The following GRID1 variants were observed in gnomAD, a reference collection of about 807,000 sequenced individuals.
The protein encoded by GRID1 is glutamate ionotropic receptor delta type subunit 1.
A neutral mutation model predicts 98.0 loss-of-function variants in GRID1; 28 were observed. The observed-to-expected ratio is 0.29, with a 90% CI of 0.21 to 0.39. GRID1 has a LOEUF of 0.39. Among genes scored for constraint, GRID1 ranks in the 10% least tolerant of loss-of-function variants. The pLI is 1.00. For synonymous variants in GRID1, 553 were observed against 538.5 expected (o/e 1.03, Z -0.37); for missense variants, 1,111 against 1,340.5 (o/e 0.83, Z 2.67).
At chr10:85,977,956 C>T (rs1173831122) in intron 4 of GRID1, among the ~76,000 whole-genome samples, 1 of 152,156 alleles carries the variant, frequency 6.6e-6, no homozygotes, top group Non-Finnish European at 1.5e-5. Context: ...TCACAGACGC[C>T]ACTCCAGGGC....
At chr10:86,354,844 C>T (rs1848512830) in intron 2 of GRID1, among the ~76,000 whole-genome samples, 1 of 152,222 alleles carries the variant, frequency 6.6e-6, no homozygotes, top group Non-Finnish European at 1.5e-5. Flanking sequence ...CCAGCCTATA[C>T]AGATGGCTCC....
At chr10:85,719,422 T>C (rs1027607737) in intron 12 of GRID1, among the ~76,000 whole-genome samples, 1 of 152,104 alleles carries the variant, frequency 6.6e-6, no homozygotes, top group African/African-American at 2.4e-5. Flanking sequence ...TACCCAAAAC[T>C]GGGAACAAAA....
rs1236101735 is a variant in GRID1, at chr10:85,605,706, A to G, written c.2602-3005T>C. On this transcript the variant is annotated intron_variant, in intron 15 of 15. Coordinates refer to ENST00000327946, the MANE Select transcript of GRID1 (RefSeq NM_017551.3). ...GGCCTTTTTTCTCAGTCAATTGAGC[A>G]CTAGCCCAGGGTGTTCAGGAGATGC... is the stretch of plus-strand genomic sequence containing the variant. 3.9e-5 allele frequency: 6 copies of G among 152,312 alleles called. No individual in the cohort carries two copies. In the South Asian group the frequency reaches 1.2e-3, roughly 32 times the overall value. The allele number at this position is 152,312 out of a possible 1,614,324, so 9.4% of individuals were successfully genotyped here. A position where few individuals can be genotyped will look rare whatever the true frequency, so the allele number is the denominator to read the frequency against.
At chr10:85,908,117 A>G (rs1346335634) in intron 5 of GRID1, among the ~76,000 whole-genome samples, 1 of 152,212 alleles carries the variant, frequency 6.6e-6, no homozygotes, top group Non-Finnish European at 1.5e-5. Context: ...AATATCAGGA[A>G]TACGAAAATG....
intron 12 of GRID1, among the ~76,000 whole-genome samples, chr10:85,704,206 G>C (rs915013717): frequency 6.6e-6 from 1 of 152,106 alleles, no homozygotes; most frequent in African/African-American, 2.4e-5. Context: ...CCATCAGTGT[G>C]CTGTATTCAG....
chr10:85,890,360 A>G (rs1841182612), intron 5 of GRID1, among the ~76,000 whole-genome samples: 1 of 152,194 alleles, frequency 6.6e-6, no homozygotes, highest in South Asian at 2.1e-4. Flanking sequence ...CCCTGATTTG[A>G]TCATTATACA....
intron 4 of GRID1, among the ~76,000 whole-genome samples, chr10:86,017,979 G>C (rs1168777941): frequency 1.3e-5 from 2 of 152,194 alleles, no homozygotes; most frequent in Non-Finnish European, 2.9e-5. Flanking sequence ...CCTCACCGCA[G>C]ATTTCCTGTG....
intron 5 of GRID1, among the ~76,000 whole-genome samples, chr10:85,898,702 T>C (rs1841332574): frequency 6.6e-6 from 1 of 152,130 alleles, no homozygotes; most frequent in Admixed American, 6.5e-5. Flanking sequence ...CACTAGAAGG[T>C]CTTCAGGGGC....
chr10:85,795,492 T>G (rs1408472428), intron 8 of GRID1, among the ~76,000 whole-genome samples: 1 of 152,250 alleles, frequency 6.6e-6, no homozygotes, highest in Non-Finnish European at 1.5e-5. Flanking sequence ...TTTTGTTTAA[T>G]TCAATATTTC....
chr10:85,930,374 ATAGT>A (rs528144364), intron 4 of GRID1, among the ~76,000 whole-genome samples: 60 of 150,396 alleles, frequency 4.0e-4, no homozygotes, highest in African/African-American at 1.4e-3. Context: ...ATTTATATTT[ATAGT>A]TATTTATTTG....
intron 2 of GRID1, among the ~76,000 whole-genome samples, chr10:86,251,149 C>G (rs1465335529): frequency 6.6e-6 from 1 of 152,120 alleles, no homozygotes; most frequent in Non-Finnish European, 1.5e-5. Flanking sequence ...AAGCAGCATA[C>G]TCGTTAAGAG....
intron 2 of GRID1, among the ~76,000 whole-genome samples, chr10:86,325,561 C>G (rs1048440090): frequency 6.6e-6 from 1 of 152,168 alleles, no homozygotes; most frequent in African/African-American, 2.4e-5. Context: ...AAGTCCAATG[C>G]AATAAGACCA....
At chr10:86,318,532 C>T (rs763515967) in intron 2 of GRID1, among the ~76,000 whole-genome samples, 3 of 152,222 alleles carry the variant, frequency 2.0e-5, no homozygotes, top group Non-Finnish European at 2.9e-5. Flanking sequence ...GAAAAGCCCA[C>T]TTCTGATGTC....
intron 3 of GRID1, among the ~76,000 whole-genome samples, chr10:86,150,790 G>A (rs1388166029): frequency 6.6e-6 from 1 of 152,182 alleles, no homozygotes; most frequent in Non-Finnish European, 1.5e-5. Context: ...GAAAATAAGA[G>A]ACTCGAGATC....
At chr10:85,991,506 A>T (rs56222040) in intron 4 of GRID1, among the ~76,000 whole-genome samples, 22,110 of 151,646 alleles carry the variant, frequency 0.15, 1,777 homozygotes, top group East Asian at 0.27. Context: ...GACAGAGAAG[A>T]GGTGCGGGAC....
At chr10:86,156,812 GA>G (rs1344554076) in intron 3 of GRID1, among the ~76,000 whole-genome samples, 3 of 152,238 alleles carry the variant, frequency 2.0e-5, no homozygotes, top group Admixed American at 6.5e-5. Context: ...TGTACCCTCA[GA>G]TAGGAGGGAT....
Position 85,953,169 on chromosome 10 carries a change from G to A in GRID1, c.727-36930C>T, listed in dbSNP as rs148563554. On this transcript the variant is annotated intron_variant, in intron 4 of 15. Transcript: ENST00000327946. ...CATAGTATTCCATGGTGGTACATAT[G>A]CACCATGGAATACTATGCAGCTATA... is the stretch of plus-strand genomic sequence containing the variant. Among the ~76,000 whole-genome samples the A allele has an allele frequency of 5.8e-3, 880 of 151,978 alleles. 7 individuals carry two copies. Among genetic ancestry groups the A allele is most frequent in the African/African-American group, 0.019 (798 of 41,442 alleles).
chr10:86,243,927 A>C (rs1846678345), intron 2 of GRID1, among the ~76,000 whole-genome samples: 1 of 152,206 alleles, frequency 6.6e-6, no homozygotes, highest in South Asian at 2.1e-4. Context: ...CGTGCCACAC[A>C]TGTGCACACA....
At chr10:86,176,048 T>C (rs1348825690) in intron 3 of GRID1, among the ~76,000 whole-genome samples, 1 of 152,164 alleles carries the variant, frequency 6.6e-6, no homozygotes, top group Non-Finnish European at 1.5e-5. Context: ...TTTCACCATG[T>C]TGGCCAGGCT....
Sources: allele counts gnomAD v4.1 joint callset (sites outside exome capture counted in the v4.1 genomes callset), GRCh38; gene constraint gnomAD v4.1.1; transcripts MANE v1.5; gene names NCBI Gene and HGNC (gene_info 2026-07-23, HGNC 2026-07-21).